The following FER variants were observed in gnomAD, a reference collection of about 807,000 sequenced individuals.
The protein encoded by FER is tyrosine-protein kinase Fer.
FER carries 63 observed loss-of-function variants against 111.0 expected under a neutral mutation model. The ratio of observed to expected loss-of-function variants is 0.57; its 90% CI spans 0.46 to 0.70. The LOEUF (loss-of-function observed/expected upper bound fraction) is 0.70. Among genes scored for constraint, FER ranks in the 30% least tolerant of loss-of-function variants. The pLI is 0.00. For synonymous variants in FER, 327 were observed against 313.9 expected (o/e 1.04, Z -0.44); for missense variants, 914 against 954.0 (o/e 0.96, Z 0.55).
intron 16 of FER, among the ~76,000 whole-genome samples, chr5:109,091,524 G>A (rs1746757526): frequency 6.6e-6 from 1 of 152,190 alleles, no homozygotes; most frequent in Admixed American, 6.5e-5. Context: ...ACCACAGAGA[G>A]CCCCGACTAG....
intron 17 of FER, among the ~76,000 whole-genome samples, chr5:109,180,148 G>A (rs1349956307): frequency 1.3e-5 from 2 of 152,152 alleles, no homozygotes; most frequent in Non-Finnish European, 2.9e-5. Flanking sequence ...TAGGGAGACT[G>A]GACAAGATGA....
chr5:108,877,928 C>T (rs1765254299), intron 8 of FER, among the ~76,000 whole-genome samples: 1 of 151,590 alleles, frequency 6.6e-6, no homozygotes, highest in Non-Finnish European at 1.5e-5. Context: ...TTTTTTTAGA[C>T]TGAGTCTTGC....
chr5:108,886,577 CACATACATA>C (rs1032351967), intron 9 of FER, among the ~76,000 whole-genome samples: 1 of 151,468 alleles, frequency 6.6e-6, no homozygotes, highest in African/African-American at 2.4e-5. Flanking sequence ...TACTTACAAT[CACATACATA>C]GTAAATGGTA....
intron 3 of FER, among the ~76,000 whole-genome samples, chr5:108,832,502 G>C (rs1044300217): frequency 6.6e-6 from 1 of 152,144 alleles, no homozygotes; most frequent in Non-Finnish European, 1.5e-5. Flanking sequence ...AATGAAGACT[G>C]CAAGTGTGGA....
chr5:109,041,074 G>A lies in FER; in HGVS notation c.1713+3596G>A, dbSNP rs116350118. Reference sequence around the variant, plus strand: ...AAGAGAAGCAGTCATCCAGAAAACTGGGAGTGTGAATGGTCTAAAGAAATA... The same window carrying A: ...AAGAGAAGCAGTCATCCAGAAAACTAGGAGTGTGAATGGTCTAAAGAAATA... On this transcript the variant is annotated intron_variant, in intron 14 of 19. Transcript: ENST00000281092. 1.2e-3 allele frequency among the ~76,000 whole-genome samples: 185 copies of A among 152,232 alleles called. 2 individuals carry two copies. Among genetic ancestry groups the A allele is most frequent in the African/African-American group, 3.8e-3 (157 of 41,548 alleles).
At chr5:108,780,800 T>G (rs2149994346) in intron 2 of FER, among the ~76,000 whole-genome samples, 1 of 150,546 alleles carries the variant, frequency 6.6e-6, no homozygotes, top group Middle Eastern at 3.4e-3. Flanking sequence ...CCCACAGTTT[T>G]TGTATATTCT....
rs1009721100 is a variant in FER, at chr5:108,883,525, A to G, written c.1046+7A>G. ...CTTGTGAGAAGAAGTCTGAGTGAGT[A>G]AAAGAGAAACAATTTGAAGGAAGAA... On this transcript the variant is annotated splice_region_variant and intron_variant, in intron 9 of 19. Coordinates refer to ENST00000281092, the MANE Select transcript of FER (RefSeq NM_005246.4). 5 of 1,573,618 alleles carry G rather than the reference A, an allele frequency of 3.2e-6. No homozygotes were observed. Among genetic ancestry groups the G allele is most frequent in the Admixed American group, 1.9e-5 (1 of 53,938 alleles).
chr5:109,141,658 A>G (rs1329917137), intron 17 of FER, among the ~76,000 whole-genome samples: 2 of 152,186 alleles, frequency 1.3e-5, no homozygotes, highest in African/African-American at 2.4e-5. Context: ...TCATAGAGGC[A>G]GAGAACTTGC....
intron 16 of FER, among the ~76,000 whole-genome samples, chr5:109,085,874 A>T (rs1777509527): frequency 6.6e-6 from 1 of 151,746 alleles, no homozygotes; most frequent in South Asian, 2.1e-4. Flanking sequence ...TTTAATGTTA[A>T]ACATTTACTG....
chr5:108,903,613 G>C (rs927589901), intron 10 of FER, among the ~76,000 whole-genome samples: 9 of 152,166 alleles, frequency 5.9e-5, no homozygotes, highest in Non-Finnish European at 8.8e-5. Context: ...CAGGATTTCT[G>C]TGACACTGAA....
intron 17 of FER, among the ~76,000 whole-genome samples, chr5:109,139,982 G>A (rs985526677): frequency 1.8e-4 from 27 of 152,126 alleles, no homozygotes; most frequent in African/African-American, 6.3e-4. Context: ...AAAAGCCAAA[G>A]CATTTTCCTG....
Position 109,044,758 on chromosome 5 carries a change from C to A in FER, c.1792C>A (p.Pro598Thr). The change falls in exon 15 of 20, where the codon CCT (proline) becomes ACT (threonine). Residue 598 changes from proline (P) to threonine (T), a missense_variant. By Grantham distance (38) the Pro-to-Thr change is conservative. Coordinates refer to ENST00000281092, the MANE Select transcript of FER (RefSeq NM_005246.4). Reference protein sequence around the residue: ...VAVKTCKEDLPQELKIKFLQE... With the variant: ...VAVKTCKEDLTQELKIKFLQE... Reference sequence around the variant, plus strand: ...TGTTAAAACATGTAAAGAAGATCTTCCTCAGGAATTGAAAATAAAATTTTT... The same window carrying A: ...TGTTAAAACATGTAAAGAAGATCTTACTCAGGAATTGAAAATAAAATTTTT... 1 of 1,587,116 alleles carries A rather than the reference C, an allele frequency of 6.3e-7. No homozygotes were observed. Among genetic ancestry groups the A allele is most frequent in the Admixed American group, 1.8e-5 (1 of 55,560 alleles).
chr5:109,092,304 A>AAAAAAAAAAAAAAAAT (rs1561884071), intron 16 of FER, among the ~76,000 whole-genome samples: 2 of 148,256 alleles, frequency 1.3e-5, no homozygotes, highest in Non-Finnish European at 3.0e-5. Context: ...AAAAAAAAAA[A>AAAAAAAAAAAAAAAAT]AAAAAAACAT....
At chr5:109,098,354 C>A (rs1055482108) in intron 16 of FER, among the ~76,000 whole-genome samples, 1 of 151,542 alleles carries the variant, frequency 6.6e-6, no homozygotes, top group Non-Finnish European at 1.5e-5. Flanking sequence ...TTTTAAAAGG[C>A]AGGAGGCAGA....
At chr5:108,795,251 G>A (rs547594307) in intron 2 of FER, among the ~76,000 whole-genome samples, 96 of 152,220 alleles carry the variant, frequency 6.3e-4, no homozygotes, top group Admixed American at 1.4e-3. Flanking sequence ...CTTTAGCCCA[G>A]GAGGTTGAGG....
intron 17 of FER, among the ~76,000 whole-genome samples, chr5:109,165,057 A>G (rs955575595): frequency 1.3e-5 from 2 of 152,166 alleles, no homozygotes; most frequent in Admixed American, 1.3e-4. Flanking sequence ...TTATTTAACT[A>G]GGTCCTATCA....
intron 10 of FER, among the ~76,000 whole-genome samples, chr5:108,927,252 C>CTCTTTTTT (rs1753876891): frequency 1.0e-5 from 1 of 95,254 alleles, no homozygotes; most frequent in Non-Finnish European, 1.9e-5. Context: ...AGAAGTGGCT[C>CTCTTTTTT]TTTTTTTTTT....
At chr5:109,099,793 C>G (rs532452089) in intron 16 of FER, among the ~76,000 whole-genome samples, 162 of 151,572 alleles carry the variant, frequency 1.1e-3, no homozygotes, top group African/African-American at 3.9e-3. Context: ...AGAAGGTTTT[C>G]TAAGACTTCA....
chr5:109,010,220 C>T (rs1766064344), intron 13 of FER, among the ~76,000 whole-genome samples: 1 of 152,134 alleles, frequency 6.6e-6, no homozygotes, highest in Non-Finnish European at 1.5e-5. Flanking sequence ...TGCAGTGGCA[C>T]AATCTCGGCC....
Sources: gnomAD v4.1 joint callset for allele counts (sites outside exome capture counted in the v4.1 genomes callset) on GRCh38, gnomAD v4.1.1 for gene constraint, MANE v1.5 for transcripts, NCBI Gene and HGNC (gene_info 2026-07-23, HGNC 2026-07-21) for gene names.